FAM171A1: variants seen among roughly 807,000 people sequenced by gnomAD.
The protein encoded by FAM171A1 is family with sequence similarity 171 member A1, also known as protein FAM171A1.
FAM171A1 carries 23 observed loss-of-function variants against 74.9 expected under a neutral mutation model. The ratio of observed to expected loss-of-function variants is 0.31; its 90% CI spans 0.22 to 0.44. The LOEUF (loss-of-function observed/expected upper bound fraction) is 0.44. FAM171A1 is among the 20% of genes least tolerant of loss of function. The pLI, the probability that FAM171A1 is intolerant of heterozygous loss-of-function variation, is 1.00. For synonymous variants in FAM171A1, 527 were observed against 505.7 expected (o/e 1.04, Z -0.57); for missense variants, 1,162 against 1,159.2 (o/e 1.00, Z -0.03).
rs183276677 is a variant in FAM171A1 at position 15,251,123 on chromosome 10, A to G, written c.578-2308T>C. 2.7e-4 allele frequency among the ~76,000 whole-genome samples: 41 copies of G among 152,296 alleles called. 1 individual carries two copies. In the East Asian group the frequency reaches 7.7e-3, roughly 29 times the overall value. ...TTCAAAACTAAGGAGGGTAGACTAGATGCCTTCCTGCATCTATGGAAATAA... is the reference window on the plus strand; with the variant it reads ...TTCAAAACTAAGGAGGGTAGACTAGGTGCCTTCCTGCATCTATGGAAATAA... On this transcript the variant is annotated intron_variant, in intron 4 of 7. Transcript: ENST00000378116.
At chr10:15,294,242 G>C (rs1835135203) in intron 1 of FAM171A1, among the ~76,000 whole-genome samples, 1 of 152,174 alleles carries the variant, frequency 6.6e-6, no homozygotes, top group Non-Finnish European at 1.5e-5. Flanking sequence ...CTCGGGTTCT[G>C]TGCTATCCTG....
intron 1 of FAM171A1, among the ~76,000 whole-genome samples, chr10:15,285,902 C>G (rs947741314): frequency 6.6e-6 from 1 of 152,214 alleles, no homozygotes; most frequent in African/African-American, 2.4e-5. Context: ...GTCAGCCTTG[C>G]AGGTATTGCC....
At chr10:15,365,398 G>A (rs1237192647) in intron 1 of FAM171A1, among the ~76,000 whole-genome samples, 2 of 152,174 alleles carry the variant, frequency 1.3e-5, no homozygotes, top group African/African-American at 2.4e-5. Context: ...CTAAAGATGC[G>A]AGAGCCTGAG....
chr10:15,277,824 T>G (rs964863672), intron 2 of FAM171A1, among the ~76,000 whole-genome samples: 1 of 152,042 alleles, frequency 6.6e-6, no homozygotes. Context: ...TGGTGCAATC[T>G]TGGCTCACTC....
chr10:15,284,951 A>G (rs1186939604), intron 1 of FAM171A1, among the ~76,000 whole-genome samples: 1 of 152,102 alleles, frequency 6.6e-6, no homozygotes, highest in Non-Finnish European at 1.5e-5. Flanking sequence ...AAAAAAGCAA[A>G]CGTTTGAAAA....
intron 1 of FAM171A1, among the ~76,000 whole-genome samples, chr10:15,360,548 T>G (rs986942487): frequency 1.3e-5 from 2 of 152,248 alleles, no homozygotes; most frequent in African/African-American, 4.8e-5. Flanking sequence ...ATTCTAGGGC[T>G]GAGCTTGTCA....
At chr10:15,276,301 C>T (rs540574305) in intron 2 of FAM171A1, among the ~76,000 whole-genome samples, 12 of 152,252 alleles carry the variant, frequency 7.9e-5, no homozygotes, top group Middle Eastern at 6.8e-3. Flanking sequence ...CTGCCTCAGA[C>T]TCCCGAGTAG....
At chr10:15,334,166 C>G (rs1835673822) in intron 1 of FAM171A1, among the ~76,000 whole-genome samples, 1 of 152,258 alleles carries the variant, frequency 6.6e-6, no homozygotes, top group South Asian at 2.1e-4. Context: ...TACATATCCC[C>G]TTGAGGAGTG....
intron 1 of FAM171A1, among the ~76,000 whole-genome samples, chr10:15,330,508 G>C (rs971559662): frequency 6.6e-6 from 1 of 152,114 alleles, no homozygotes; most frequent in Non-Finnish European, 1.5e-5. Flanking sequence ...GATTAGCACA[G>C]AACTTCTTTC....
chr10:15,286,282 T>C (rs1054081191), intron 1 of FAM171A1, among the ~76,000 whole-genome samples: 5 of 152,100 alleles, frequency 3.3e-5, no homozygotes, highest in African/African-American at 4.8e-5. Context: ...TTAATACCTT[T>C]GTTTGTTTGT....
chr10:15,214,359 A>C lies in FAM171A1; in HGVS notation c.1229T>G (p.Leu410Arg). 6.2e-7 allele frequency: 1 copy of C among 1,613,130 alleles called. No individual in the cohort carries two copies. The highest frequency in any genetic ancestry group is 8.5e-7 in the Non-Finnish European group (1 of 1,179,396). ...GGAGAGCTTGAGCATGGGGGTGTGC[A>C]GGTCCCCTTCGCCGCCCGGAGACAT... ...EMMSPGGEGD[L>R]HTPMLKLSYS... Residue 410 changes from leucine (L) to arginine (R), a missense_variant, in exon 8 of 8, where the codon CTG (leucine) becomes CGG (arginine). Coordinates refer to ENST00000378116, the MANE Select transcript of FAM171A1 (RefSeq NM_001010924.2).
chr10:15,337,687 G>A (rs1370899277), intron 1 of FAM171A1, among the ~76,000 whole-genome samples: 3 of 152,174 alleles, frequency 2.0e-5, no homozygotes, highest in South Asian at 2.1e-4. Context: ...GGTGGCTTAC[G>A]CCTGCAATCC....
At chr10:15,315,859 A>G (rs969101833) in intron 1 of FAM171A1, among the ~76,000 whole-genome samples, 2 of 152,146 alleles carry the variant, frequency 1.3e-5, no homozygotes, top group Admixed American at 6.5e-5. Context: ...CCTGACTATC[A>G]ATATAAGGTA....
chr10:15,281,599 C>G (rs1186073276), intron 2 of FAM171A1, among the ~76,000 whole-genome samples: 1 of 152,300 alleles, frequency 6.6e-6, no homozygotes, highest in Non-Finnish European at 1.5e-5. Flanking sequence ...CAGTGGCTCA[C>G]GCCTGTAATC....
chr10:15,234,341 GAC>G (rs1275748796), intron 5 of FAM171A1, among the ~76,000 whole-genome samples: 1 of 152,200 alleles, frequency 6.6e-6, no homozygotes, highest in African/African-American at 2.4e-5. Flanking sequence ...TGTACCTGAT[GAC>G]ATATTGTTAC....
At chr10:15,365,588 T>C (rs1354989262) in intron 1 of FAM171A1, among the ~76,000 whole-genome samples, 2 of 152,200 alleles carry the variant, frequency 1.3e-5, no homozygotes, top group East Asian at 3.9e-4. Context: ...TTGGCCAACA[T>C]GGTGAAACCC....
intron 1 of FAM171A1, among the ~76,000 whole-genome samples, chr10:15,296,457 A>C (rs976592580): frequency 5.3e-5 from 8 of 152,204 alleles, no homozygotes; most frequent in African/African-American, 1.9e-4. Context: ...TGCAATTTCT[A>C]GCTGCACTAA....
At chr10:15,354,029 G>A (rs1273308271) in intron 1 of FAM171A1, among the ~76,000 whole-genome samples, 1 of 152,168 alleles carries the variant, frequency 6.6e-6, no homozygotes, top group Non-Finnish European at 1.5e-5. Flanking sequence ...TGTCATCAAC[G>A]CCAGGCATTG....
chr10:15,222,689 A>C (rs4750609), intron 5 of FAM171A1, among the ~76,000 whole-genome samples: 77,764 of 152,126 alleles, frequency 0.51, 21,942 homozygotes, highest in African/African-American at 0.76. Context: ...GGTTGCTTCG[A>C]GGCCTTATCA....
Sources: allele counts gnomAD v4.1 joint callset (sites outside exome capture counted in the v4.1 genomes callset), GRCh38; gene constraint gnomAD v4.1.1; transcripts MANE v1.5; gene names NCBI Gene and HGNC (gene_info 2026-07-23, HGNC 2026-07-21).